Variants in TRPC7 observed in about 807,000 individuals in gnomAD.
TRPC7 encodes the protein transient receptor potential cation channel subfamily C member 7.
TRPC7 carries 42 observed loss-of-function variants against 90.1 expected under a neutral mutation model. The observed-to-expected ratio is 0.47, with a 90% CI of 0.36 to 0.60. The LOEUF is 0.60. Among genes scored for constraint, TRPC7 ranks in the 20% least tolerant of loss-of-function variants. The pLI is 0.00. For synonymous variants in TRPC7, 451 were observed against 436.3 expected, an observed-to-expected ratio of 1.03 and a Z score of -0.42; for missense variants, 955 against 1,112.3, an observed-to-expected ratio of 0.86 and a Z score of 2.01.
At chr5:136,264,843 G>A (rs545967387) in intron 5 of TRPC7, among the ~76,000 whole-genome samples, 46 of 152,154 alleles carry the variant, frequency 3.0e-4, no homozygotes, top group East Asian at 9.7e-4. Context: ...CACCCCCTTC[G>A]GCCTTCCAAA....
chr5:136,215,169 G>A (rs1374810094), intron 11 of TRPC7, among the ~76,000 whole-genome samples: 1 of 152,174 alleles, frequency 6.6e-6, no homozygotes, highest in African/African-American at 2.4e-5. Context: ...ACCTCCCACT[G>A]AGACTGGACA....
intron 3 of TRPC7, among the ~76,000 whole-genome samples, chr5:136,283,475 G>C (rs537106623): frequency 1.3e-5 from 2 of 152,272 alleles, no homozygotes; most frequent in African/African-American, 2.4e-5. Context: ...TCTTTCCCAG[G>C]CTCCAGGCCT....
chr5:136,265,570 T>G (rs1276203443), intron 5 of TRPC7, among the ~76,000 whole-genome samples: 1 of 152,204 alleles, frequency 6.6e-6, no homozygotes, highest in Non-Finnish European at 1.5e-5. Flanking sequence ...TTTGTTCTGA[T>G]TATTCCTTCT....
chr5:136,288,782 A>G (rs973034523), intron 3 of TRPC7, among the ~76,000 whole-genome samples: 1 of 152,168 alleles, frequency 6.6e-6, no homozygotes, highest in Non-Finnish European at 1.5e-5. Flanking sequence ...GACCTTCAGG[A>G]TATTTGTGCA....
chr5:136,255,364 C>T (rs945625069), intron 5 of TRPC7, among the ~76,000 whole-genome samples: 1 of 152,222 alleles, frequency 6.6e-6, no homozygotes, highest in Non-Finnish European at 1.5e-5. Context: ...AACTACCATT[C>T]TGATCAGTCA....
intron 2 of TRPC7, among the ~76,000 whole-genome samples, chr5:136,331,801 T>C (rs2149846701): frequency 6.6e-6 from 1 of 152,266 alleles, no homozygotes; most frequent in South Asian, 2.1e-4. Flanking sequence ...GTCATTTCAG[T>C]ATTCCCTAGT....
At chr5:136,282,871 G>A (rs1367664149) in intron 3 of TRPC7, among the ~76,000 whole-genome samples, 1 of 152,202 alleles carries the variant, frequency 6.6e-6, no homozygotes, top group East Asian at 1.9e-4. Flanking sequence ...TAGGAATGGA[G>A]GACACAGTGA....
chr5:136,360,021 G>A (rs1026491634), intron 1 of TRPC7, among the ~76,000 whole-genome samples: 1 of 152,160 alleles, frequency 6.6e-6, no homozygotes, highest in African/African-American at 2.4e-5. Flanking sequence ...TGATTCCACG[G>A]CACTTTTCCA....
intron 6 of TRPC7, among the ~76,000 whole-genome samples, chr5:136,251,109 G>A (rs1021794076): frequency 1.3e-5 from 2 of 152,190 alleles, no homozygotes; most frequent in Admixed American, 1.3e-4. Context: ...ACTATTATTA[G>A]TATTCCTAAA....
chr5:136,263,271 C>G (rs1298476702), intron 5 of TRPC7, among the ~76,000 whole-genome samples: 1 of 152,174 alleles, frequency 6.6e-6, no homozygotes, highest in African/African-American at 2.4e-5. Context: ...TTATAGTAAG[C>G]CTTCTCCAGA....
chr5:136,230,904 C>T (rs1755794495), intron 8 of TRPC7, among the ~76,000 whole-genome samples: 1 of 152,218 alleles, frequency 6.6e-6, no homozygotes, highest in Non-Finnish European at 1.5e-5. Context: ...CCTGTATGAT[C>T]TCCTCACTGG....
At chr5:136,231,102 A>G (rs1047394431) in intron 8 of TRPC7, among the ~76,000 whole-genome samples, 5 of 152,170 alleles carry the variant, frequency 3.3e-5, no homozygotes, top group African/African-American at 1.2e-4. Flanking sequence ...GACAAGTGTA[A>G]AAGAGAGAAG....
At chr5:136,253,939 A>T (rs565835545) in intron 5 of TRPC7, among the ~76,000 whole-genome samples, 1 of 152,366 alleles carries the variant, frequency 6.6e-6, no homozygotes, top group African/African-American at 2.4e-5. Flanking sequence ...GAAGGAAATT[A>T]AAAGTACTAC....
At chr5:136,225,221 T>C in intron 10 of TRPC7, 53 bp downstream of exon 10, 2 of 1,515,550 alleles carry the variant, frequency 1.3e-6, no homozygotes, top group Non-Finnish European at 1.8e-6. Context: ...AATCTGTGTC[T>C]TAGTGGAGTC....
chr5:136,340,176 G>A (rs974728404), intron 2 of TRPC7, among the ~76,000 whole-genome samples: 4 of 152,116 alleles, frequency 2.6e-5, no homozygotes, highest in African/African-American at 9.7e-5. Flanking sequence ...GCCACAACAT[G>A]GATGAACCTA....
chr5:136,280,833 T>C (rs1757526096), intron 3 of TRPC7, among the ~76,000 whole-genome samples: 1 of 152,192 alleles, frequency 6.6e-6, no homozygotes, highest in Non-Finnish European at 1.5e-5. Flanking sequence ...TGCTTACCTG[T>C]CATTTTATTA....
chr5:136,339,639 A>G (rs1431982110), intron 2 of TRPC7, among the ~76,000 whole-genome samples: 1 of 152,120 alleles, frequency 6.6e-6, no homozygotes, highest in Non-Finnish European at 1.5e-5. Context: ...TCCCCCACCC[A>G]GAAATGGACT....
At chr5:136,318,147 A>T (rs1041726204) in intron 2 of TRPC7, among the ~76,000 whole-genome samples, 2 of 152,202 alleles carry the variant, frequency 1.3e-5, no homozygotes, top group African/African-American at 4.8e-5. Context: ...AGGGCCATTG[A>T]TGAACATCTC....
chr5:136,272,531 G>A (rs1014338508), intron 4 of TRPC7, among the ~76,000 whole-genome samples: 2 of 152,166 alleles, frequency 1.3e-5, no homozygotes, highest in South Asian at 4.1e-4. Flanking sequence ...AATGAGCAGT[G>A]CCACCAAGAG....
Sources: allele counts gnomAD v4.1 joint callset (sites outside exome capture counted in the v4.1 genomes callset), GRCh38; gene constraint gnomAD v4.1.1; transcripts MANE v1.5; gene names NCBI Gene and HGNC (gene_info 2026-07-23, HGNC 2026-07-21).